STX5: variants seen among roughly 807,000 people sequenced by gnomAD.
STX5 encodes syntaxin-5.
In STX5, 15 loss-of-function variants were observed where a neutral mutation model predicts 42.9. That is an observed-to-expected ratio of 0.35 (90% CI 0.23 to 0.54). The LOEUF (loss-of-function observed/expected upper bound fraction) is 0.54. Among genes scored for constraint, STX5 ranks in the 20% least tolerant of loss-of-function variants. The pLI, the probability that STX5 is intolerant of heterozygous loss-of-function variation, is 0.91. For synonymous variants in STX5, 184 were observed against 173.2 expected, an observed-to-expected ratio of 1.06 and a Z score of -0.49; for missense variants, 430 against 455.0, an observed-to-expected ratio of 0.95 and a Z score of 0.50.
In STX5 at chr11:62,819,220, GAAAAAAAAAAAAAAAAA is replaced by G. The variant is rs57390432; in HGVS notation, c.908+4929_908+4945del. Among the ~76,000 whole-genome samples, 129 of 29,646 alleles carry G rather than the reference GAAAAAAAAAAAAAAAAA, an allele frequency of 4.4e-3. 3 individuals are homozygous for G. Among genetic ancestry groups the G allele is most frequent in the Admixed American group, 0.033 (48 of 1,462 alleles). 19.4% of individuals were successfully genotyped at this position (29,646 alleles called of 152,430 possible). A position where few individuals can be genotyped will look rare whatever the true frequency, so the allele number is the denominator to read the frequency against. ...TGGGCAACAGAGTGAGACTCTGTCT[GAAAAAAAAAAAAAAAAA>G]AAAAAAAAAAAAAAAAAAAGAAGGT... On this transcript the variant is annotated intron_variant, in intron 10 of 10. Coordinates refer to ENST00000294179, the MANE Select transcript of STX5 (RefSeq NM_003164.5).
intron 10 of STX5, among the ~76,000 whole-genome samples, chr11:62,812,595 A>T (rs1456840463): frequency 6.7e-6 from 1 of 149,978 alleles, no homozygotes; most frequent in East Asian, 2.0e-4. Flanking sequence ...ATTTTTTTGT[A>T]TTTTTTTTAG....
chr11:62,820,074 AAT>A (rs1407392676), intron 10 of STX5, among the ~76,000 whole-genome samples: 2 of 151,598 alleles, frequency 1.3e-5, no homozygotes, highest in African/African-American at 4.8e-5. Flanking sequence ...CGGAGATTAA[AAT>A]ATGGGCAGAA....
chr11:62,832,024 T>G lies in STX5; in HGVS notation c.-90A>C, dbSNP rs1452177528. On this transcript the variant is annotated 5_prime_UTR_variant, in exon 1 of 11. Coordinates refer to ENST00000294179, the MANE Select transcript of STX5 (RefSeq NM_003164.5). ...CCGTCACTGCCTCCTCCCCGAGCAC[T>G]GAAGCCGCCGAAACCCGACCAAAGA... The G allele has an allele frequency of 2.1e-6, 1 of 477,766 alleles. No individual in the cohort carries two copies. Among genetic ancestry groups the G allele is most frequent in the Non-Finnish European group, 4.1e-6 (1 of 241,982 alleles). 29.6% of individuals were successfully genotyped at this position (477,766 alleles called of 1,614,324 possible).
At position 62,825,077 on chromosome 11, in the gene STX5, C is replaced by T. The variant is rs373509609; in HGVS notation, c.638G>A (p.Arg213Gln). The part of the protein sequence containing the change: ...QQRSRREQFS[R>Q]APVSALPLAP... ...AAGGGGCAGGGCTGACACAGGTGCC[C>T]GGGAGAACTGCTCTCTCCGGCTCCT... is the stretch of plus-strand genomic sequence containing the variant. Residue 213 changes from arginine (R) to glutamine (Q), a missense_variant, in exon 8 of 11, where the codon CGG (arginine) becomes CAG (glutamine). Transcript: ENST00000294179. The T allele has an allele frequency of 5.6e-6, 9 of 1,613,722 alleles. No homozygotes were observed. Among genetic ancestry groups the T allele is most frequent in the Admixed American group, 3.3e-5 (2 of 59,980 alleles).
intron 10 of STX5, among the ~76,000 whole-genome samples, chr11:62,819,287 T>A (rs1348461497): frequency 7.6e-6 from 1 of 131,330 alleles, no homozygotes; most frequent in Non-Finnish European, 1.6e-5. Context: ...TTTGATTTAG[T>A]TAGTGAAAAA....
intron 10 of STX5, among the ~76,000 whole-genome samples, chr11:62,816,924 T>C (rs1467494106): frequency 6.6e-6 from 1 of 151,532 alleles, no homozygotes; most frequent in African/African-American, 2.4e-5. Context: ...TGTCTATTCA[T>C]CTATTCCTAC....
intron 2 of STX5, chr11:62,830,336 C>G (rs1457817147): frequency 3.3e-6 from 1 of 306,194 alleles, no homozygotes. Flanking sequence ...GATCTAGGGC[C>G]AGGTGTGGTG....
chr11:62,826,295 C>T (rs1217224076), intron 5 of STX5, among the ~76,000 whole-genome samples: 2 of 150,132 alleles, frequency 1.3e-5, no homozygotes, highest in Non-Finnish European at 3.0e-5. Context: ...CGGTGGCTCA[C>T]GCCTGTAATC....
intron 10 of STX5, among the ~76,000 whole-genome samples, chr11:62,809,878 C>T (rs914175153): frequency 2.7e-5 from 4 of 150,018 alleles, no homozygotes; most frequent in African/African-American, 7.3e-5. Flanking sequence ...CTGAGGTGGG[C>T]GGATCACAAG....
At position 62,819,368 on chromosome 11, in the gene STX5, C is replaced by A. The variant is rs572981368; in HGVS notation, c.908+4798G>T. On this transcript the variant is annotated intron_variant, in intron 10 of 10. Coordinates refer to ENST00000294179, the MANE Select transcript of STX5 (RefSeq NM_003164.5). Reference sequence around the variant, plus strand: ...GCAGATCTCCACTACAAAAAAAAAACCAAAGGAAGTGCTTCTTCAGGATAA... The same window carrying A: ...GCAGATCTCCACTACAAAAAAAAAAACAAAGGAAGTGCTTCTTCAGGATAA... Among the ~76,000 whole-genome samples, 49 of 138,790 alleles carry A rather than the reference C, an allele frequency of 3.5e-4. 1 individual carries two copies. The highest frequency in any genetic ancestry group is 4.5e-3 in the Middle Eastern group (1 of 222). The allele number at this position is 138,790 out of a possible 152,430, so 91.1% of individuals were successfully genotyped here.
intron 10 of STX5, among the ~76,000 whole-genome samples, chr11:62,813,652 G>A (rs999045649): frequency 2.0e-5 from 3 of 152,160 alleles, no homozygotes; most frequent in Non-Finnish European, 4.4e-5. Flanking sequence ...AGATACCGTG[G>A]GGAATAAAGA....
intron 8 of STX5, 141 bp downstream of exon 8, chr11:62,824,895 T>A: frequency 1.3e-6 from 1 of 753,380 alleles, no homozygotes; most frequent in Non-Finnish European, 2.2e-6. Flanking sequence ...CTCAACCATC[T>A]GGTTTGGCCT....
chr11:62,809,077 A>G (rs1399678719), intron 10 of STX5, among the ~76,000 whole-genome samples: 1 of 151,920 alleles, frequency 6.6e-6, no homozygotes, highest in East Asian at 1.9e-4. Flanking sequence ...TCACGAAGTC[A>G]GGAGATTGAG....
intron 2 of STX5, among the ~76,000 whole-genome samples, chr11:62,828,829 G>A (rs1439023337): frequency 6.6e-6 from 1 of 151,562 alleles, no homozygotes; most frequent in Non-Finnish European, 1.5e-5. Context: ...CATTTTGGGA[G>A]GCCGAGGCAA....
intron 8 of STX5, 155 bp downstream of exon 8, chr11:62,824,881 G>A (rs555853642): frequency 2.4e-5 from 17 of 694,338 alleles, no homozygotes; most frequent in Non-Finnish European, 3.4e-5. Context: ...TGTGGATCAC[G>A]AATCTCAACC....
At position 62,807,595 on chromosome 11, in the gene STX5, G is replaced by A. The variant is rs781728826; in HGVS notation, c.942C>T (p.Asp314=). The change falls in exon 11 of 11, where the codon GAC becomes GAT. Residue 314 remains aspartate, a synonymous_variant. Coordinates refer to ENST00000294179, the MANE Select transcript of STX5 (RefSeq NM_003164.5). ...IDENVLGAQL[D]VEAAHSEILK... ...GGATCTCTGAATGGGCGGCCTCAAC[G>A]TCCAGCTGGGCTCCTAGCACGTTCT... 15 of 1,614,000 alleles carry A rather than the reference G, an allele frequency of 9.3e-6. No individual in the cohort carries two copies. The highest frequency in any genetic ancestry group is 6.7e-5 in the Admixed American group (4 of 59,968).
Position 62,818,681 on chromosome 11 carries a change from G to A in STX5, c.908+5485C>T, listed in dbSNP as rs570386176. On this transcript the variant is annotated intron_variant, in intron 10 of 10. Coordinates refer to ENST00000294179, the MANE Select transcript of STX5 (RefSeq NM_003164.5). ...TGCCTGGGCAACATGTGAGATCCCC[G>A]TCTCTACCAAAAAAAAAAAAAAAGA... Among the ~76,000 whole-genome samples, 85 of 146,940 alleles carry A rather than the reference G, an allele frequency of 5.8e-4. 1 individual carries two copies. The South Asian group carries it at 0.014, about 24-fold the overall frequency.
intron 10 of STX5, among the ~76,000 whole-genome samples, chr11:62,820,382 G>A (rs2084727838): frequency 6.6e-6 from 1 of 151,548 alleles, no homozygotes; most frequent in Admixed American, 6.6e-5. Context: ...AAAAAAAAAG[G>A]GCGGAATCTG....
chr11:62,827,015 A>T lies in STX5; in HGVS notation c.423+140T>A. On this transcript the variant is annotated intron_variant, in intron 5 of 10. Transcript: ENST00000294179. ...GCAGTGAGCTAGGTCACACCACTACACTCCAGACTGGTCAACACAGTGAGA... is the reference window on the plus strand; with the variant it reads ...GCAGTGAGCTAGGTCACACCACTACTCTCCAGACTGGTCAACACAGTGAGA... 5.7e-6 allele frequency: 4 copies of T among 705,738 alleles called. No homozygotes were observed. In the South Asian group the frequency reaches 7.5e-5, roughly 13 times the overall value. 43.7% of individuals were successfully genotyped at this position (705,738 alleles called of 1,614,324 possible).
Sources: allele counts gnomAD v4.1 joint callset (sites outside exome capture counted in the v4.1 genomes callset), GRCh38; gene constraint gnomAD v4.1.1; transcripts MANE v1.5; gene names NCBI Gene and HGNC (gene_info 2026-07-23, HGNC 2026-07-21).